Variants in DENND10 observed in about 807,000 individuals in gnomAD.
The protein encoded by DENND10 is DENN domain-containing protein 10.
A neutral mutation model predicts 43.6 loss-of-function variants in DENND10; 24 were observed. The ratio of observed to expected loss-of-function variants is 0.55; its 90% confidence interval spans 0.40 to 0.77. The LOEUF (loss-of-function observed/expected upper bound fraction) is 0.77, where lower values mean the gene tolerates loss of function less well. DENND10 is among the 30% of genes least tolerant of loss of function. The probability of loss-of-function intolerance (pLI) is 0.00; values close to 1 mark genes in which losing one functional copy is unlikely to be tolerated. For missense variants in DENND10, 303 were observed against 429.9 expected, an observed-to-expected ratio of 0.70 and a Z score of 2.61; for synonymous variants, 125 against 157.6, an observed-to-expected ratio of 0.79 and a Z score of 1.55.
chr10:119,117,991 A>G (rs1845382613), intron 4 of DENND10, among the ~76,000 whole-genome samples: 1 of 152,128 alleles, frequency 6.6e-6, no homozygotes, highest in Admixed American at 6.6e-5. Context: ...AACAAAAAAA[A>G]GAAGGTAAAA....
At chr10:119,117,823 C>T (rs111727288) in intron 4 of DENND10, among the ~76,000 whole-genome samples, 156 bp downstream of exon 4, 2,344 of 151,958 alleles carry the variant, frequency 0.015, 75 homozygotes, top group African/African-American at 0.052. Context: ...AAAAATTAGC[C>T]GGGCGTGGTG....
rs1845570100 is a variant in DENND10, at chr10:119,121,434, G to GCC, written c.593+983_593+984dup. 4.1e-5 allele frequency among the ~76,000 whole-genome samples: 6 copies of GCC among 144,918 alleles called. No individual in the cohort carries two copies. The South Asian group carries it at 1.3e-3, about 31-fold the overall frequency. ...TTACAGACATGAACCACCACACCCA[G>GCC]CCATTAGGTCCTTTTTTTTTTTTTT... On this transcript the variant is annotated intron_variant, in intron 5 of 8. Transcript: ENST00000361432.
At chr10:119,106,212 G>A (rs1346330253) in intron 1 of DENND10, among the ~76,000 whole-genome samples, 2 of 152,096 alleles carry the variant, frequency 1.3e-5, no homozygotes, top group Non-Finnish European at 2.9e-5. Flanking sequence ...GACAGAGTTA[G>A]ACCCTGTCTC....
chr10:119,120,250 AAAAAAAAGAAAAAAG>A (rs1310559699), intron 4 of DENND10, 76 bp from the exon 5 acceptor site: 11 of 822,612 alleles, frequency 1.3e-5, no homozygotes, highest in Admixed American at 2.7e-5. Context: ...TCGGTCTCAA[AAAAAAAAGAAAAAAG>A]AAAAAAAGAA....
intron 8 of DENND10, among the ~76,000 whole-genome samples, chr10:119,135,470 G>T (rs1403307588): frequency 1.3e-5 from 2 of 152,078 alleles, no homozygotes; most frequent in African/African-American, 4.8e-5. Flanking sequence ...TTTTGTTGGG[G>T]GGGAGAAAAG....
chr10:119,119,033 G>C (rs1437346403), intron 4 of DENND10, among the ~76,000 whole-genome samples: 2 of 147,096 alleles, frequency 1.4e-5, no homozygotes, highest in African/African-American at 2.5e-5. Flanking sequence ...TTTTCTTTGA[G>C]ATGGAGTTTT....
At chr10:119,109,076 C>T (rs1589714277) in intron 2 of DENND10, among the ~76,000 whole-genome samples, 1 of 150,988 alleles carries the variant, frequency 6.6e-6, no homozygotes, top group South Asian at 2.1e-4. Flanking sequence ...ATTAGCCGGG[C>T]GTGGTGGCGC....
chr10:119,121,770 C>G (rs1430147832), intron 5 of DENND10, among the ~76,000 whole-genome samples: 1 of 151,824 alleles, frequency 6.6e-6, no homozygotes, highest in East Asian at 1.9e-4. Flanking sequence ...TCTTTAAAAG[C>G]AAGAGGACTT....
chr10:119,110,983 T>A (rs996036419), intron 2 of DENND10, among the ~76,000 whole-genome samples: 19 of 152,072 alleles, frequency 1.2e-4, no homozygotes, highest in Non-Finnish European at 2.4e-4. Context: ...ATAAATAGTC[T>A]GGGTGCGGTG....
intron 2 of DENND10, among the ~76,000 whole-genome samples, chr10:119,110,020 C>T (rs370671389): frequency 2.0e-4 from 31 of 151,998 alleles, no homozygotes; most frequent in Middle Eastern, 3.4e-3. Context: ...ACTCTGTTGC[C>T]CAGGCTGGTC....
intron 5 of DENND10, among the ~76,000 whole-genome samples, chr10:119,122,785 C>T (rs773995028): frequency 2.0e-5 from 3 of 152,104 alleles, no homozygotes; most frequent in Non-Finnish European, 4.4e-5. Flanking sequence ...TGGGAGACTT[C>T]CAGAAAATTT....
In DENND10 at chr10:119,107,906, C is replaced by A. The variant is rs1339410873; in HGVS notation, c.56-62C>A. On this transcript the variant is annotated intron_variant, in intron 1 of 8. Coordinates refer to ENST00000361432, the MANE Select transcript of DENND10 (RefSeq NM_207009.4). ...GATTCCACTAAGTGTTTCTGAGTAA[C>A]CAATCAATTCACTTCCTTGCTGCTG... is the stretch of plus-strand genomic sequence containing the variant. The A allele has an allele frequency of 4.1e-6, 6 of 1,463,886 alleles. No individual in the cohort carries two copies. In the South Asian group the frequency reaches 6.8e-5, roughly 17 times the overall value. The allele number at this position is 1,463,886 out of a possible 1,614,324, so 90.7% of individuals were successfully genotyped here. A position where few individuals can be genotyped will look rare whatever the true frequency, so the allele number is the denominator to read the frequency against.
Position 119,136,887 on chromosome 10 carries a change from T to C in DENND10, c.*240T>C. The C allele has an allele frequency of 2.5e-6, 1 of 393,820 alleles. No individual in the cohort carries two copies. 24.4% of individuals were successfully genotyped at this position (393,820 alleles called of 1,614,324 possible). A position where few individuals can be genotyped will look rare whatever the true frequency, so the allele number is the denominator to read the frequency against. ...GCTGGACGAAGTGCTATAACTACTT[T>C]ATGTAACATTACAGAACAGCTAGAG... On this transcript the variant is annotated 3_prime_UTR_variant, in exon 9 of 9. Coordinates refer to ENST00000361432, the MANE Select transcript of DENND10 (RefSeq NM_207009.4).
At chr10:119,106,673 A>C (rs1246294880) in intron 1 of DENND10, among the ~76,000 whole-genome samples, 1 of 152,234 alleles carries the variant, frequency 6.6e-6, no homozygotes, top group Non-Finnish European at 1.5e-5. Flanking sequence ...CACAGTTGGT[A>C]TGCAACATGG....
chr10:119,120,281 A>T, intron 4 of DENND10, 60 bp from the exon 5 acceptor site: 1 of 1,086,364 alleles, frequency 9.2e-7, no homozygotes, highest in South Asian at 1.4e-5. Flanking sequence ...AAGAAAAAAA[A>T]ATCTTTATTT....
chr10:119,126,764 C>T (rs369035256), intron 6 of DENND10, among the ~76,000 whole-genome samples: 3 of 152,100 alleles, frequency 2.0e-5, no homozygotes, highest in Non-Finnish European at 2.9e-5. Context: ...TGCGCCCAGC[C>T]GTCTGTATTT....
rs891828474 is a variant in DENND10 at position 119,120,220 on chromosome 10, C to G, written c.482-121C>G. 19 of 584,744 alleles carry G rather than the reference C, an allele frequency of 3.2e-5. 1 individual carries two copies. The highest frequency in any genetic ancestry group is 3.0e-4 in the African/African-American group (16 of 52,496). The allele number at this position is 584,744 out of a possible 1,614,324, so 36.2% of individuals were successfully genotyped here. On this transcript the variant is annotated intron_variant, in intron 4 of 8. Transcript: ENST00000361432. The stretch of plus-strand genomic sequence containing the variant: ...CAACTATCTTGCCACTGCATTCCAG[C>G]CTGGGTGACAGAGTGAGACTCGGTC...
chr10:119,116,228 T>C (rs1249263549), intron 3 of DENND10, among the ~76,000 whole-genome samples: 1 of 152,226 alleles, frequency 6.6e-6, no homozygotes, highest in African/African-American at 2.4e-5. Context: ...ACATGTGAGC[T>C]ATAAATGCAG....
chr10:119,106,741 A>G (rs1415106341), intron 1 of DENND10, among the ~76,000 whole-genome samples: 1 of 152,150 alleles, frequency 6.6e-6, no homozygotes, highest in African/African-American at 2.4e-5. Context: ...AACCTTTTCT[A>G]TGTATTTATT....
Sources: gnomAD v4.1 joint callset for allele counts (sites outside exome capture counted in the v4.1 genomes callset) on GRCh38, gnomAD v4.1.1 for gene constraint, MANE v1.5 for transcripts, NCBI Gene and HGNC (gene_info 2026-07-23, HGNC 2026-07-21) for gene names.